The following CNTNAP2 variants were observed in gnomAD, a reference collection of about 807,000 sequenced individuals.
CNTNAP2 encodes the protein contactin associated protein 2, also known as contactin-associated protein-like 2.
CNTNAP2 carries 98 observed loss-of-function variants against 155.2 expected under a neutral mutation model. The ratio of observed to expected loss-of-function variants is 0.63; its 90% confidence interval spans 0.54 to 0.75. CNTNAP2 has a LOEUF of 0.75. Among genes scored for constraint, CNTNAP2 ranks in the 30% least tolerant of loss-of-function variants. The probability of loss-of-function intolerance (pLI) is 0.00; values close to 1 mark genes in which losing one functional copy is unlikely to be tolerated. For missense variants in CNTNAP2, 1,727 were observed against 1,688.1 expected (o/e 1.02, Z -0.40); for synonymous variants, 651 against 631.2 (o/e 1.03, Z -0.47).
At chr7:146,683,926 C>T (rs1451481892) in intron 1 of CNTNAP2, among the ~76,000 whole-genome samples, 3 of 152,138 alleles carry the variant, frequency 2.0e-5, no homozygotes, top group Non-Finnish European at 2.9e-5. Context: ...CTCTTGCCAT[C>T]CTGTAAATAG....
chr7:146,677,262 T>G (rs1210159379), intron 1 of CNTNAP2, among the ~76,000 whole-genome samples: 2 of 152,202 alleles, frequency 1.3e-5, no homozygotes, highest in Non-Finnish European at 2.9e-5. Flanking sequence ...GTTTTCTGAT[T>G]GGCAATTGGT....
chr7:147,495,452 T>C (rs1011370947), intron 11 of CNTNAP2, among the ~76,000 whole-genome samples: 7 of 152,218 alleles, frequency 4.6e-5, no homozygotes, highest in African/African-American at 1.7e-4. Flanking sequence ...GCTGGTTTAC[T>C]AGCACACCAC....
chr7:146,759,966 C>T (rs1280190014), intron 1 of CNTNAP2, among the ~76,000 whole-genome samples: 1 of 152,080 alleles, frequency 6.6e-6, no homozygotes, highest in Non-Finnish European at 1.5e-5. Context: ...TGAAAGAAGG[C>T]CAGTAAGTAT....
intron 21 of CNTNAP2, among the ~76,000 whole-genome samples, chr7:148,332,915 G>GAGC (rs1798056656): frequency 1.3e-5 from 2 of 152,166 alleles, no homozygotes; most frequent in Non-Finnish European, 2.9e-5. Context: ...TAGGATCACA[G>GAGC]AACCTCCTAT....
At position 146,544,063 on chromosome 7, in the gene CNTNAP2, A is replaced by G. The variant is rs140902281; in HGVS notation, c.98-230208A>G. Among the ~76,000 whole-genome samples the G allele has an allele frequency of 7.0e-3, 1,067 of 152,058 alleles. 18 individuals are homozygous for G. Among genetic ancestry groups the G allele is most frequent in the African/African-American group, 0.025 (1,021 of 41,526 alleles). On this transcript the variant is annotated intron_variant, in intron 1 of 23. Transcript: ENST00000361727. ...ACAGAGCTGATTTTTCCTTCTCATA[A>G]AATTAGTTTAAAAATTAAATTACTT...
intron 22 of CNTNAP2, among the ~76,000 whole-genome samples, chr7:148,398,689 G>A (rs1799518963): frequency 6.6e-6 from 1 of 152,112 alleles, no homozygotes; most frequent in Non-Finnish European, 1.5e-5. Flanking sequence ...GTGATAAAAT[G>A]TTATTTTCAC....
chr7:146,815,223 A>T (rs2129194757), intron 2 of CNTNAP2, among the ~76,000 whole-genome samples: 1 of 152,288 alleles, frequency 6.6e-6, no homozygotes, highest in East Asian at 1.9e-4. Flanking sequence ...TTGAATAGCA[A>T]CAATTTCAAT....
intron 4 of CNTNAP2, among the ~76,000 whole-genome samples, chr7:147,090,215 A>G (rs758521145): frequency 3.3e-5 from 5 of 152,158 alleles, no homozygotes; most frequent in Non-Finnish European, 5.9e-5. Flanking sequence ...GTGGATTAGA[A>G]TAGTCATTAT....
chr7:148,365,763 TAC>T (rs1798734576), intron 21 of CNTNAP2, among the ~76,000 whole-genome samples: 1 of 80,442 alleles, frequency 1.2e-5, no homozygotes, highest in Non-Finnish European at 3.0e-5. Flanking sequence ...TGTATGTGTA[TAC>T]GTGTATACAT....
chr7:147,694,086 T>C (rs1277791761), intron 13 of CNTNAP2, among the ~76,000 whole-genome samples: 2 of 152,080 alleles, frequency 1.3e-5, no homozygotes, highest in Admixed American at 6.6e-5. Flanking sequence ...TTTTGTCAAA[T>C]GCTTTTTCTT....
chr7:147,263,415 G>A (rs2116689882), intron 8 of CNTNAP2, among the ~76,000 whole-genome samples: 1 of 151,818 alleles, frequency 6.6e-6, no homozygotes, highest in Admixed American at 6.6e-5. Context: ...GGGATTATCT[G>A]GGAGTCTGCA....
chr7:147,200,502 A>G (rs1460140785), intron 8 of CNTNAP2, among the ~76,000 whole-genome samples: 1 of 152,192 alleles, frequency 6.6e-6, no homozygotes, highest in African/African-American at 2.4e-5. Flanking sequence ...CAATCCTTTA[A>G]AAAGGACTGC....
At chr7:147,078,655 C>T (rs571825642) in intron 4 of CNTNAP2, among the ~76,000 whole-genome samples, 5 of 151,960 alleles carry the variant, frequency 3.3e-5, no homozygotes, top group South Asian at 2.1e-4. Context: ...ACACAGACAA[C>T]GTTATTTGGT....
intron 1 of CNTNAP2, among the ~76,000 whole-genome samples, chr7:146,350,175 T>C (rs1794890841): frequency 6.6e-6 from 1 of 152,180 alleles, no homozygotes; most frequent in African/African-American, 2.4e-5. Flanking sequence ...TTTCTTTTTA[T>C]TCTTTTTTCT....
intron 16 of CNTNAP2, among the ~76,000 whole-genome samples, chr7:148,132,923 AT>A (rs1421579321): frequency 6.6e-6 from 1 of 152,126 alleles, no homozygotes; most frequent in African/African-American, 2.4e-5. Flanking sequence ...TACGGCCTAT[AT>A]TTTTTTAATA....
Position 147,777,500 on chromosome 7 carries a change from G to A in CNTNAP2, c.2099-126065G>A, listed in dbSNP as rs115728806. On this transcript the variant is annotated intron_variant, in intron 13 of 23. Transcript: ENST00000361727. Reference sequence around the variant, plus strand: ...GCAATCCTGGGAGCCCGGTTCCCCTGTTGAGGCCCCTACTTGGGTCAGCCC... The same window carrying A: ...GCAATCCTGGGAGCCCGGTTCCCCTATTGAGGCCCCTACTTGGGTCAGCCC... Among the ~76,000 whole-genome samples the A allele has an allele frequency of 2.4e-3, 363 of 152,316 alleles. 4 individuals carry two copies. The highest frequency in any genetic ancestry group is 8.3e-3 in the African/African-American group (346 of 41,562).
At chr7:147,527,070 T>G (rs1234502093) in intron 11 of CNTNAP2, among the ~76,000 whole-genome samples, 1 of 135,836 alleles carries the variant, frequency 7.4e-6, no homozygotes, top group Non-Finnish European at 1.5e-5. Flanking sequence ...TCACCTGGGC[T>G]GGAGTGCAGT....
At chr7:147,836,778 A>T (rs1332028144) in intron 13 of CNTNAP2, among the ~76,000 whole-genome samples, 1 of 152,232 alleles carries the variant, frequency 6.6e-6, no homozygotes, top group African/African-American at 2.4e-5. Context: ...GAGTGATAGT[A>T]TTTAGCCTTG....
At chr7:147,159,290 C>T (rs953747136) in intron 8 of CNTNAP2, among the ~76,000 whole-genome samples, 8 of 151,950 alleles carry the variant, frequency 5.3e-5, no homozygotes, top group African/African-American at 7.3e-5. Context: ...ATCATATGAT[C>T]GAATTTGCAT....
Sources: gnomAD v4.1 joint callset for allele counts (sites outside exome capture counted in the v4.1 genomes callset) on GRCh38, gnomAD v4.1.1 for gene constraint, MANE v1.5 for transcripts, NCBI Gene and HGNC (gene_info 2026-07-23, HGNC 2026-07-21) for gene names.